The following ABHD12 variants were observed in gnomAD, a reference collection of about 807,000 sequenced individuals.
The protein encoded by ABHD12 is abhydrolase domain containing 12, lysophospholipase.
ABHD12 carries 43 observed loss-of-function variants against 58.3 expected under a neutral mutation model. That is an observed-to-expected ratio of 0.74 (90% CI 0.58 to 0.95). The LOEUF is 0.95. Among genes scored for constraint, ABHD12 ranks in the 40% least tolerant of loss-of-function variants. ABHD12 has a pLI of 0.00. For missense variants in ABHD12, 539 were observed against 537.2 expected, an observed-to-expected ratio of 1.00 and a Z score of -0.03; for synonymous variants, 219 against 211.2, an observed-to-expected ratio of 1.04 and a Z score of -0.32.
At chr20:25,296,668 G>C, downstream of ABHD12, 1 of 1,086,722 alleles carries the variant, frequency 9.2e-7, no homozygotes, top group Non-Finnish European at 1.3e-6. Flanking sequence ...GGGTCAGGGT[G>C]GTTTTGAGAG....
rs998279363 is a variant in ABHD12 at position 25,390,735 on chromosome 20, G to A, written c.-32C>T. ...GCCGACAGGGCCAGCCGCCGACGGC[G>A]CCCGCTGGCCTGCGCCGCAGTGCCG... On this transcript the variant is annotated 5_prime_UTR_variant, in exon 1 of 13. Coordinates refer to ENST00000339157, the MANE Select transcript of ABHD12 (RefSeq NM_001042472.3). 7.0e-6 allele frequency: 7 copies of A among 1,004,044 alleles called. No individual in the cohort carries two copies. In the African/African-American group the frequency reaches 1.4e-4, roughly 20 times the overall value. The allele number at this position is 1,004,044 out of a possible 1,614,324, so 62.2% of individuals were successfully genotyped here. A position where few individuals can be genotyped will look rare whatever the true frequency, so the allele number is the denominator to read the frequency against.
chr20:25,316,915 G>A, intron 5 of ABHD12, 133 bp downstream of exon 5: 1 of 823,984 alleles, frequency 1.2e-6, no homozygotes, highest in Non-Finnish European at 2.0e-6. Context: ...CAACAGAGGA[G>A]GAGGACCCTG....
intron 1 of ABHD12, among the ~76,000 whole-genome samples, chr20:25,388,720 C>T (rs1044971147): frequency 6.6e-6 from 1 of 151,618 alleles, no homozygotes; most frequent in Non-Finnish European, 1.5e-5. Flanking sequence ...TAATACAGTA[C>T]ATTCTTCAAG....
At chr20:25,329,186 C>T (rs752938640) in intron 2 of ABHD12, among the ~76,000 whole-genome samples, 11 of 152,248 alleles carry the variant, frequency 7.2e-5, no homozygotes, top group Admixed American at 1.3e-4. Flanking sequence ...GCCCAGGCCC[C>T]TGCTTCATCC....
At chr20:25,334,058 C>T (rs562147097) in intron 2 of ABHD12, among the ~76,000 whole-genome samples, 65 of 152,010 alleles carry the variant, frequency 4.3e-4, no homozygotes, top group African/African-American at 1.5e-3. Context: ...TCTAGAAAAC[C>T]CCATTGTCTC....
At chr20:25,302,638 C>T (rs1044758979) in intron 11 of ABHD12, among the ~76,000 whole-genome samples, 1 of 152,182 alleles carries the variant, frequency 6.6e-6, no homozygotes, top group Non-Finnish European at 1.5e-5. Context: ...GCCTGGGAGG[C>T]TCTGATGGCA....
intron 8 of ABHD12, 48 bp downstream of exon 8, chr20:25,308,409 G>A: frequency 1.3e-6 from 2 of 1,598,862 alleles, no homozygotes; most frequent in Non-Finnish European, 1.7e-6. Flanking sequence ...GGACTGGGGA[G>A]CACCCTGAAT....
intron 1 of ABHD12, among the ~76,000 whole-genome samples, chr20:25,375,416 C>T (rs947562163): frequency 2.6e-5 from 4 of 152,160 alleles, no homozygotes; most frequent in African/African-American, 9.7e-5. Flanking sequence ...CAGTTCTTTC[C>T]CCAGCCACAG....
In ABHD12 at chr20:25,308,461, C is replaced by A. The variant is rs375996835; in HGVS notation, c.783G>T (p.Glu261Asp). Reference sequence around the variant, plus strand: ...GGGGCCCAACAAGGCACTCACCTCGCTCACAGAGGCGCCGCACCAGATTTG... The same window carrying A: ...GGGGCCCAACAAGGCACTCACCTCGATCACAGAGGCGCCGCACCAGATTTG... The part of the protein sequence containing the change: ...VATNLVRRLC[E>D]RETPPDALIL... Residue 261 changes from glutamate to aspartate, a missense_variant, in exon 8 of 13, where the codon GAG becomes GAT. Coordinates refer to ENST00000339157, the MANE Select transcript of ABHD12 (RefSeq NM_001042472.3). The A allele has an allele frequency of 1.9e-5, 30 of 1,611,660 alleles. No individual in the cohort carries two copies. Among genetic ancestry groups the A allele is most frequent in the Non-Finnish European group, 2.5e-5 (30 of 1,179,178 alleles).
At chr20:25,364,744 C>T (rs1244518437) in intron 1 of ABHD12, among the ~76,000 whole-genome samples, 1 of 152,198 alleles carries the variant, frequency 6.6e-6, no homozygotes, top group Middle Eastern at 3.2e-3. Flanking sequence ...CATGAGGTTC[C>T]ATTTTCACCT....
intron 1 of ABHD12, among the ~76,000 whole-genome samples, chr20:25,368,106 T>C (rs1427820727): frequency 2.0e-5 from 3 of 152,222 alleles, no homozygotes; most frequent in African/African-American, 7.2e-5. Flanking sequence ...AACTTAACAC[T>C]GCAATCCAGC....
At chr20:25,334,753 T>A (rs1298004881) in intron 2 of ABHD12, among the ~76,000 whole-genome samples, 1 of 149,554 alleles carries the variant, frequency 6.7e-6, no homozygotes, top group Non-Finnish European at 1.5e-5. Context: ...GCTAGCCATA[T>A]GTAGAAAGCT....
chr20:25,375,598 C>T (rs753045237), intron 1 of ABHD12, among the ~76,000 whole-genome samples: 1 of 152,190 alleles, frequency 6.6e-6, no homozygotes, highest in Non-Finnish European at 1.5e-5. Context: ...TGGCTCCCCT[C>T]CCTGTGCCAT....
At position 25,306,829 on chromosome 20, in the gene ABHD12, TCA is replaced by T. The variant is rs776688862; in HGVS notation, c.950+2_950+3del. The T allele has an allele frequency of 6.3e-7, 1 of 1,599,332 alleles. No individual in the cohort carries two copies. Among genetic ancestry groups the T allele is most frequent in the East Asian group, 2.2e-5 (1 of 44,768 alleles). ...AAAATTAGTTCCTGTCCCATAATAC[TCA>T]CTTTTCATCATTTGCAAATTTAATT... On this transcript the variant is annotated splice_donor_variant and splice_donor_region_variant and intron_variant, in intron 10 of 12. Transcript: ENST00000339157. LOFTEE classifies it high-confidence loss of function.
At chr20:25,371,317 T>C (rs1371584984) in intron 1 of ABHD12, among the ~76,000 whole-genome samples, 1 of 152,178 alleles carries the variant, frequency 6.6e-6, no homozygotes, top group Non-Finnish European at 1.5e-5. Flanking sequence ...TGGATTTCAC[T>C]GTGGCTGGCC....
At chr20:25,314,104 C>T (rs938449796) in intron 6 of ABHD12, among the ~76,000 whole-genome samples, 3 of 152,062 alleles carry the variant, frequency 2.0e-5, no homozygotes, top group African/African-American at 7.2e-5. Context: ...TCTCGAATAG[C>T]TGGGACTACA....
chr20:25,353,963 A>G (rs1180296196), intron 1 of ABHD12, among the ~76,000 whole-genome samples: 1 of 152,224 alleles, frequency 6.6e-6, no homozygotes, highest in Non-Finnish European at 1.5e-5. Context: ...CATTTGGAAC[A>G]GGCTGGTCAG....
intron 1 of ABHD12, among the ~76,000 whole-genome samples, chr20:25,341,343 T>A (rs2089451613): frequency 6.6e-6 from 1 of 152,220 alleles, no homozygotes; most frequent in African/African-American, 2.4e-5. Flanking sequence ...ACACAGTAAG[T>A]CAGGAATACA....
chr20:25,347,219 C>G (rs2089531397), intron 1 of ABHD12, among the ~76,000 whole-genome samples: 1 of 152,128 alleles, frequency 6.6e-6, no homozygotes, highest in South Asian at 2.1e-4. Flanking sequence ...GACATATATT[C>G]CTGTAAATAA....
Sources: gnomAD v4.1 joint callset for allele counts (sites outside exome capture counted in the v4.1 genomes callset) on GRCh38, gnomAD v4.1.1 for gene constraint, MANE v1.5 for transcripts, NCBI Gene and HGNC (gene_info 2026-07-23, HGNC 2026-07-21) for gene names.